The following AGBL4 variants were observed in gnomAD, a reference collection of about 807,000 sequenced individuals.
AGBL4 encodes AGBL carboxypeptidase 4, also known as cytosolic carboxypeptidase 6.
A neutral mutation model predicts 66.4 loss-of-function variants in AGBL4; 58 were observed. The observed-to-expected ratio is 0.87, with a 90% CI of 0.71 to 1.09. The LOEUF (loss-of-function observed/expected upper bound fraction) is 1.09. Among genes scored for constraint, AGBL4 ranks in the 50% least tolerant of loss-of-function variants. The pLI is 0.00. For synonymous variants in AGBL4, 234 were observed against 222.9 expected, an observed-to-expected ratio of 1.05 and a Z score of -0.44; for missense variants, 579 against 631.0, an observed-to-expected ratio of 0.92 and a Z score of 0.88.
chr1:49,987,669 C>G (rs2148397198), intron 1 of AGBL4, among the ~76,000 whole-genome samples: 1 of 152,084 alleles, frequency 6.6e-6, no homozygotes, highest in Admixed American at 6.5e-5. Context: ...ATACTTTATT[C>G]AAATACTATA....
intron 3 of AGBL4, among the ~76,000 whole-genome samples, chr1:49,466,570 A>G (rs1403197087): frequency 3.3e-5 from 5 of 151,570 alleles, no homozygotes; most frequent in Admixed American, 2.0e-4. Flanking sequence ...CAATCCCAGG[A>G]TGGCCATTTT....
intron 7 of AGBL4, among the ~76,000 whole-genome samples, chr1:48,659,211 C>T (rs1232609035): frequency 3.3e-5 from 1 of 30,104 alleles, no homozygotes. Context: ...CACCATTGAC[C>T]TACAACTGTC....
rs1645276512 is a variant in AGBL4 at position 49,105,505 on chromosome 1, A to G, written c.378-59705T>C. Among the ~76,000 whole-genome samples the G allele has an allele frequency of 2.0e-5, 3 of 152,182 alleles. No individual in the cohort carries two copies. In the South Asian group the frequency reaches 6.2e-4, roughly 32 times the overall value. On this transcript the variant is annotated intron_variant, in intron 4 of 13. Transcript: ENST00000371839. ...GGAGAGAGTTAGGACCGGAATAAGGAAATGCTGATATCCTGGTCCCAATAC... is the reference window on the plus strand; with the variant it reads ...GGAGAGAGTTAGGACCGGAATAAGGGAATGCTGATATCCTGGTCCCAATAC...
intron 1 of AGBL4, among the ~76,000 whole-genome samples, chr1:49,890,463 G>GA (rs553130998): frequency 0.014 from 2,082 of 151,012 alleles, 17 homozygotes; most frequent in Non-Finnish European, 0.023. Context: ...ACATGGAGGA[G>GA]AAAAAAAAAG....
intron 6 of AGBL4, among the ~76,000 whole-genome samples, chr1:48,691,167 A>AC (rs1646624778): frequency 6.7e-6 from 1 of 149,730 alleles, no homozygotes; most frequent in African/African-American, 2.5e-5. Flanking sequence ...CAAAAAAAAA[A>AC]AAAAAAAACA....
At chr1:49,520,933 C>T (rs1330765529) in intron 3 of AGBL4, among the ~76,000 whole-genome samples, 2 of 151,692 alleles carry the variant, frequency 1.3e-5, no homozygotes, top group African/African-American at 2.4e-5. Flanking sequence ...CTCAGCCTCC[C>T]GAGTAGCTGG....
intron 1 of AGBL4, among the ~76,000 whole-genome samples, chr1:50,019,393 A>G (rs1185459788): frequency 1.3e-5 from 2 of 151,414 alleles, no homozygotes; most frequent in African/African-American, 4.9e-5. Context: ...AAGACATTGT[A>G]TACTTTCCAT....
chr1:48,902,979 C>T lies in AGBL4; in HGVS notation c.595-35749G>A, dbSNP rs146628715. On this transcript the variant is annotated intron_variant, in intron 5 of 13. Transcript: ENST00000371839. ...GCCTGCCAACACCTGGACTTAGCTC[C>T]AGATATAATGAATTGCTTGTAGCTT... Among the ~76,000 whole-genome samples, 566 of 152,220 alleles carry T rather than the reference C, an allele frequency of 3.7e-3. 1 individual carries two copies. The highest frequency in any genetic ancestry group is 6.5e-3 in the Non-Finnish European group (443 of 68,012).
chr1:49,150,254 C>T (rs933179518), intron 4 of AGBL4, among the ~76,000 whole-genome samples: 3 of 152,120 alleles, frequency 2.0e-5, no homozygotes, highest in African/African-American at 7.2e-5. Context: ...ATTGTCGTTC[C>T]TCCCTTACAA....
chr1:49,314,566 T>A (rs1645003999), intron 3 of AGBL4, among the ~76,000 whole-genome samples: 1 of 152,068 alleles, frequency 6.6e-6, no homozygotes, highest in Non-Finnish European at 1.5e-5. Context: ...TGAACTCATC[T>A]TTTTTATGGC....
At chr1:48,957,382 A>G (rs1014348313) in intron 5 of AGBL4, among the ~76,000 whole-genome samples, 1 of 152,230 alleles carries the variant, frequency 6.6e-6, no homozygotes, top group African/African-American at 2.4e-5. Context: ...ATCTATGATC[A>G]TAAGGTTTAC....
chr1:49,296,276 C>T (rs1230439908), intron 3 of AGBL4, among the ~76,000 whole-genome samples: 1 of 152,072 alleles, frequency 6.6e-6, no homozygotes, highest in Non-Finnish European at 1.5e-5. Context: ...AGTTACATTC[C>T]TGAGGTCACA....
At chr1:49,788,366 AC>A (rs967504640) in intron 2 of AGBL4, among the ~76,000 whole-genome samples, 3 of 152,206 alleles carry the variant, frequency 2.0e-5, no homozygotes, top group South Asian at 2.1e-4. Context: ...TCTACAAAAA[AC>A]ATCTACAATG....
intron 3 of AGBL4, among the ~76,000 whole-genome samples, chr1:49,550,969 A>T (rs1198248774): frequency 6.6e-6 from 1 of 151,934 alleles, no homozygotes; most frequent in Non-Finnish European, 1.5e-5. Flanking sequence ...ATAATCCCAG[A>T]CTTCTTGGAG....
At chr1:48,768,006 T>G (rs1311059852) in intron 6 of AGBL4, among the ~76,000 whole-genome samples, 1 of 152,164 alleles carries the variant, frequency 6.6e-6, no homozygotes, top group Non-Finnish European at 1.5e-5. Flanking sequence ...AAGCAGAAAC[T>G]GAGGCTCAAA....
At chr1:48,701,876 A>C (rs1420291429) in intron 6 of AGBL4, among the ~76,000 whole-genome samples, 3 of 152,224 alleles carry the variant, frequency 2.0e-5, no homozygotes, top group Non-Finnish European at 4.4e-5. Flanking sequence ...GAATGAATGA[A>C]TGAGTTAATG....
chr1:48,658,647 T>G (rs1646057418), intron 7 of AGBL4, among the ~76,000 whole-genome samples: 1 of 152,140 alleles, frequency 6.6e-6, no homozygotes, highest in Admixed American at 6.5e-5. Context: ...CACAAACGCT[T>G]AGTGGATCTA....
At chr1:48,577,477 C>T (rs1329253889) in intron 11 of AGBL4, among the ~76,000 whole-genome samples, 1 of 152,150 alleles carries the variant, frequency 6.6e-6, no homozygotes, top group African/African-American at 2.4e-5. Flanking sequence ...GTAATATTAA[C>T]AGCATTTCAA....
intron 5 of AGBL4, among the ~76,000 whole-genome samples, chr1:48,867,916 A>G (rs552247951): frequency 6.6e-6 from 1 of 152,296 alleles, no homozygotes; most frequent in South Asian, 2.1e-4. Flanking sequence ...CCAAAGCCTG[A>G]GGTGATCAAT....
Sources: allele counts gnomAD v4.1 joint callset (sites outside exome capture counted in the v4.1 genomes callset), GRCh38; gene constraint gnomAD v4.1.1; transcripts MANE v1.5; gene names NCBI Gene and HGNC (gene_info 2026-07-23, HGNC 2026-07-21).